The following LRRFIP1 variants were observed in gnomAD, a reference collection of about 807,000 sequenced individuals.
LRRFIP1 encodes leucine-rich repeat flightless-interacting protein 1.
A neutral mutation model predicts 104.4 loss-of-function variants in LRRFIP1; 62 were observed. That is an observed-to-expected ratio of 0.59 (90% CI 0.48 to 0.73). The LOEUF (loss-of-function observed/expected upper bound fraction) is 0.73. LRRFIP1 is among the 30% of genes least tolerant of loss of function. The pLI is 0.00. For missense variants in LRRFIP1, 796 were observed against 824.5 expected (o/e 0.97, Z 0.42); for synonymous variants, 300 against 299.0 (o/e 1.00, Z -0.03).
chr2:237,668,300 C>A (rs2089804433), intron 1 of LRRFIP1, among the ~76,000 whole-genome samples: 1 of 152,138 alleles, frequency 6.6e-6, no homozygotes, highest in South Asian at 2.1e-4. Flanking sequence ...GACATGCCAG[C>A]CTTGGGATTG....
intron 11 of LRRFIP1, 51 bp downstream of exon 11, chr2:237,739,360 C>T: frequency 6.9e-7 from 1 of 1,456,506 alleles, no homozygotes; most frequent in Non-Finnish European, 9.3e-7. Flanking sequence ...CTCCCTCCCC[C>T]TTCCCTTATC....
chr2:237,726,979 A>G (rs2094777463), intron 7 of LRRFIP1, among the ~76,000 whole-genome samples: 1 of 152,218 alleles, frequency 6.6e-6, no homozygotes, highest in South Asian at 2.1e-4. Context: ...TTGAAAAATA[A>G]AGTAGGAGGG....
At chr2:237,714,881 T>C (rs1367291584) in intron 3 of LRRFIP1, among the ~76,000 whole-genome samples, 1 of 152,186 alleles carries the variant, frequency 6.6e-6, no homozygotes, top group Admixed American at 6.5e-5. Context: ...TGATTCAAGA[T>C]CTAGCAAAAA....
chr2:237,728,932 T>G (rs2094886468), intron 8 of LRRFIP1, among the ~76,000 whole-genome samples: 1 of 152,174 alleles, frequency 6.6e-6, no homozygotes, highest in African/African-American at 2.4e-5. Context: ...CTTTAATTAT[T>G]TATTTTTTGA....
chr2:237,651,579 A>G (rs1033516706), intron 1 of LRRFIP1, among the ~76,000 whole-genome samples: 1 of 152,156 alleles, frequency 6.6e-6, no homozygotes, highest in Non-Finnish European at 1.5e-5. Flanking sequence ...AGAGCACCCT[A>G]CAGTCTGGCT....
At chr2:237,704,151 CTTTTTTTTTT>C (rs397946161) in intron 1 of LRRFIP1, among the ~76,000 whole-genome samples, 8 of 124,020 alleles carry the variant, frequency 6.5e-5, no homozygotes, top group South Asian at 2.7e-4. Flanking sequence ...TGCAGATGTT[CTTTTTTTTTT>C]TTTTTTTTCA....
chr2:237,695,831 A>G (rs1234381806), intron 1 of LRRFIP1, among the ~76,000 whole-genome samples: 1 of 152,104 alleles, frequency 6.6e-6, no homozygotes, highest in Admixed American at 6.5e-5. Flanking sequence ...CAGACTACCT[A>G]GATAAAATTA....
chr2:237,730,173 C>A (rs1015116529), intron 8 of LRRFIP1, among the ~76,000 whole-genome samples: 2 of 152,128 alleles, frequency 1.3e-5, no homozygotes, highest in African/African-American at 4.8e-5. Context: ...CTCTTGAATT[C>A]TTGAGAGTTT....
chr2:237,729,382 A>C (rs138714539), intron 8 of LRRFIP1, among the ~76,000 whole-genome samples: 1 of 152,368 alleles, frequency 6.6e-6, no homozygotes, highest in Non-Finnish European at 1.5e-5. Flanking sequence ...TATAGCCCGC[A>C]GGCGGGCTGG....
At chr2:237,638,547 A>T (rs1356648238) in intron 1 of LRRFIP1, among the ~76,000 whole-genome samples, 1 of 152,220 alleles carries the variant, frequency 6.6e-6, no homozygotes, top group Admixed American at 6.5e-5. Context: ...TACCCCCAGC[A>T]TATTTTTAAA....
chr2:237,684,307 A>G (rs2092144638), intron 1 of LRRFIP1: 1 of 151,308 alleles, frequency 6.6e-6, no homozygotes, highest in African/African-American at 2.4e-5. Context: ...CCCCATCTCT[A>G]TTAAAAATAC....
intron 1 of LRRFIP1, among the ~76,000 whole-genome samples, chr2:237,664,345 G>GTGCTGGT (rs1448694595): frequency 2.0e-5 from 3 of 152,276 alleles, no homozygotes; most frequent in Non-Finnish European, 4.4e-5. Flanking sequence ...TGTCCACAGT[G>GTGCTGGT]TGCTGGTTGC....
intron 19 of LRRFIP1, among the ~76,000 whole-genome samples, chr2:237,761,663 G>A (rs555183575): frequency 1.3e-5 from 2 of 152,140 alleles, no homozygotes; most frequent in South Asian, 2.1e-4. Context: ...TAAAATGTAC[G>A]TTATAAAATA....
intron 1 of LRRFIP1, among the ~76,000 whole-genome samples, chr2:237,672,326 C>T (rs1347200800): frequency 6.6e-6 from 1 of 152,192 alleles, no homozygotes; most frequent in Non-Finnish European, 1.5e-5. Context: ...CTTGAGCGCA[C>T]ACAGCAAGCT....
At chr2:237,650,479 C>T (rs375675838) in intron 1 of LRRFIP1, among the ~76,000 whole-genome samples, 4 of 148,754 alleles carry the variant, frequency 2.7e-5, no homozygotes, top group East Asian at 3.9e-4. Context: ...GATTCCTCCT[C>T]GCACTGTGTG....
At chr2:237,669,952 G>C (rs979165333) in intron 1 of LRRFIP1, among the ~76,000 whole-genome samples, 1 of 152,158 alleles carries the variant, frequency 6.6e-6, no homozygotes, top group African/African-American at 2.4e-5. Flanking sequence ...AAAAGATTGG[G>C]GCCGTCTTTG....
In LRRFIP1 at chr2:237,667,567, T is replaced by C. The variant is rs138005805; in HGVS notation, c.96+39827T>C. On this transcript the variant is annotated intron_variant, in intron 1 of 23. Coordinates refer to ENST00000308482, the MANE Select transcript of LRRFIP1 (RefSeq NM_001137550.2). ...AATGATTTATAATCCTTTGGGTATA[T>C]ACCCAGTAATGGGATTGGTGGGTCA... Among the ~76,000 whole-genome samples, 323 of 152,340 alleles carry C rather than the reference T, an allele frequency of 2.1e-3. 4 individuals carry two copies. The East Asian group carries it at 0.025, about 12-fold the overall frequency.
At chr2:237,749,431 T>C (rs1183729388) in intron 13 of LRRFIP1, 107 bp downstream of exon 13, 12 of 1,346,330 alleles carry the variant, frequency 8.9e-6, no homozygotes, top group Non-Finnish European at 1.2e-5. Context: ...TCTTTCTTCT[T>C]GGTCCTCTCT....
chr2:237,745,581 G>A (rs2057733369), intron 11 of LRRFIP1, among the ~76,000 whole-genome samples: 1 of 152,120 alleles, frequency 6.6e-6, no homozygotes, highest in Admixed American at 6.5e-5. Flanking sequence ...GAACAAAGAT[G>A]TGTTAAAGCC....
Sources: gnomAD v4.1 joint callset for allele counts (sites outside exome capture counted in the v4.1 genomes callset) on GRCh38, gnomAD v4.1.1 for gene constraint, MANE v1.5 for transcripts, NCBI Gene and HGNC (gene_info 2026-07-23, HGNC 2026-07-21) for gene names.